Variants in KCTD8 observed in about 807,000 individuals in gnomAD.
The protein encoded by KCTD8 is potassium channel tetramerization domain containing 8, also known as BTB/POZ domain-containing protein KCTD8.
Under a neutral mutation model 31.5 loss-of-function variants are expected in KCTD8, and 27 were observed. That is an observed-to-expected ratio of 0.86 (90% CI 0.63 to 1.18). The LOEUF is 1.18. KCTD8 is among the 50% of genes most tolerant of loss of function. KCTD8 has a pLI of 0.00. For synonymous variants in KCTD8, 290 were observed against 280.0 expected, an observed-to-expected ratio of 1.04 and a Z score of -0.36; for missense variants, 658 against 647.7, an observed-to-expected ratio of 1.02 and a Z score of -0.17.
chr4:44,179,285 G>A (rs1713307072), intron 1 of KCTD8, among the ~76,000 whole-genome samples: 1 of 151,730 alleles, frequency 6.6e-6, no homozygotes, highest in Non-Finnish European at 1.5e-5. Context: ...CGGAAATAGA[G>A]TCTATTAAAG....
chr4:44,254,213 GCAGAAT>G (rs1715928357), intron 1 of KCTD8, among the ~76,000 whole-genome samples: 1 of 151,848 alleles, frequency 6.6e-6, no homozygotes. Context: ...TAGTTATTAA[GCAGAAT>G]CTAGAGGAAA....
intron 1 of KCTD8, among the ~76,000 whole-genome samples, chr4:44,369,186 G>A (rs1044006669): frequency 3.1e-4 from 47 of 152,254 alleles, no homozygotes; most frequent in African/African-American, 1.1e-3. Flanking sequence ...GAATTCATTC[G>A]GCACAGTCTT....
intron 1 of KCTD8, among the ~76,000 whole-genome samples, chr4:44,353,264 T>C (rs1296923451): frequency 2.0e-5 from 3 of 152,130 alleles, no homozygotes; most frequent in Non-Finnish European, 4.4e-5. Flanking sequence ...CTGAAGTTCA[T>C]CACTGTAGTT....
chr4:44,239,471 C>T (rs1715387008), intron 1 of KCTD8, among the ~76,000 whole-genome samples: 1 of 152,096 alleles, frequency 6.6e-6, no homozygotes, highest in African/African-American at 2.4e-5. Flanking sequence ...AATGAGGTAG[C>T]ATATGGAAAG....
chr4:44,427,766 C>T (rs568780334), intron 1 of KCTD8, among the ~76,000 whole-genome samples: 22 of 151,658 alleles, frequency 1.5e-4, no homozygotes, highest in East Asian at 3.9e-4. Flanking sequence ...ACTTAACATA[C>T]GAGTAAGTTT....
intron 1 of KCTD8, among the ~76,000 whole-genome samples, chr4:44,198,655 G>A (rs1714021822): frequency 6.6e-6 from 1 of 152,020 alleles, no homozygotes; most frequent in African/African-American, 2.4e-5. Flanking sequence ...GGTCCTTAAG[G>A]AAATGATAAA....
At position 44,277,327 on chromosome 4, in the gene KCTD8, C is replaced by T. The variant is rs141771280; in HGVS notation, c.962-102077G>A. 9.1e-3 allele frequency among the ~76,000 whole-genome samples: 1,385 copies of T among 151,804 alleles called. 20 individuals are homozygous for T. The highest frequency in any genetic ancestry group is 0.032 in the African/African-American group (1,316 of 41,456). On this transcript the variant is annotated intron_variant, in intron 1 of 1. Transcript: ENST00000360029. Reference sequence around the variant, plus strand: ...ATTTATATTAGCATATAAAGGACTCCATGGCAAGGAAATCTTTTAATTTTG... The same window carrying T: ...ATTTATATTAGCATATAAAGGACTCTATGGCAAGGAAATCTTTTAATTTTG...
intron 1 of KCTD8, among the ~76,000 whole-genome samples, chr4:44,309,458 T>C (rs375179957): frequency 2.4e-4 from 36 of 152,324 alleles, no homozygotes; most frequent in African/African-American, 7.7e-4. Flanking sequence ...TTGAAGACTC[T>C]TTGGAAGATA....
At chr4:44,235,759 C>T (rs1202626920) in intron 1 of KCTD8, among the ~76,000 whole-genome samples, 1 of 151,432 alleles carries the variant, frequency 6.6e-6, no homozygotes, top group Non-Finnish European at 1.5e-5. Flanking sequence ...AATTATATAG[C>T]ACATCTTTTT....
At chr4:44,409,546 G>A (rs1228148612) in intron 1 of KCTD8, among the ~76,000 whole-genome samples, 1 of 152,126 alleles carries the variant, frequency 6.6e-6, no homozygotes, top group Non-Finnish European at 1.5e-5. Context: ...CAGAAGCTTA[G>A]AAATAATGGT....
At chr4:44,424,915 G>A (rs897101299) in intron 1 of KCTD8, among the ~76,000 whole-genome samples, 1 of 151,934 alleles carries the variant, frequency 6.6e-6, no homozygotes, top group African/African-American at 2.4e-5. Context: ...GACTCCAAAT[G>A]GGACTGCATT....
intron 1 of KCTD8, among the ~76,000 whole-genome samples, chr4:44,269,785 A>G (rs976226187): frequency 1.3e-5 from 2 of 152,164 alleles, no homozygotes; most frequent in African/African-American, 4.8e-5. Flanking sequence ...CAGACACATG[A>G]AAAAATGCTC....
intron 1 of KCTD8, among the ~76,000 whole-genome samples, chr4:44,439,023 T>C (rs2109482835): frequency 6.6e-6 from 1 of 152,346 alleles, no homozygotes; most frequent in South Asian, 2.1e-4. Context: ...GTATCTGATT[T>C]AGAAGTATTA....
chr4:44,308,966 T>C (rs1212484779), intron 1 of KCTD8, among the ~76,000 whole-genome samples: 1 of 152,134 alleles, frequency 6.6e-6, no homozygotes. Flanking sequence ...TGAATAGTAA[T>C]TATAATAATA....
chr4:44,334,445 C>G (rs1718666909), intron 1 of KCTD8, among the ~76,000 whole-genome samples: 1 of 151,830 alleles, frequency 6.6e-6, no homozygotes, highest in South Asian at 2.1e-4. Flanking sequence ...CTATTTCATC[C>G]AGTCATACTA....
chr4:44,315,944 T>A (rs1289022389), intron 1 of KCTD8, among the ~76,000 whole-genome samples: 1 of 152,154 alleles, frequency 6.6e-6, no homozygotes, highest in Non-Finnish European at 1.5e-5. Flanking sequence ...TTTGAGTCAT[T>A]TTGCCTGATG....
intron 1 of KCTD8, among the ~76,000 whole-genome samples, chr4:44,245,529 T>C (rs1715634113): frequency 6.6e-6 from 1 of 151,682 alleles, no homozygotes. Context: ...TAATGGTGTA[T>C]AAATTTTTTC....
At chr4:44,446,292 C>T (rs1325720635) in intron 1 of KCTD8, among the ~76,000 whole-genome samples, 1 of 152,186 alleles carries the variant, frequency 6.6e-6, no homozygotes, top group Non-Finnish European at 1.5e-5. Flanking sequence ...ACTGTAGTGA[C>T]TAAATTACCA....
At chr4:44,266,087 A>T (rs1439469674) in intron 1 of KCTD8, among the ~76,000 whole-genome samples, 1 of 152,120 alleles carries the variant, frequency 6.6e-6, no homozygotes, top group East Asian at 1.9e-4. Flanking sequence ...AAGACACATA[A>T]TTGTCAGATT....
Sources: gnomAD v4.1 joint callset for allele counts (sites outside exome capture counted in the v4.1 genomes callset) on GRCh38, gnomAD v4.1.1 for gene constraint, MANE v1.5 for transcripts, NCBI Gene and HGNC (gene_info 2026-07-23, HGNC 2026-07-21) for gene names.